PRKG1: variants seen among roughly 807,000 people sequenced by gnomAD.
PRKG1 encodes the protein protein kinase cGMP-dependent 1, also known as cGMP-dependent protein kinase 1.
PRKG1 carries 35 observed loss-of-function variants against 88.1 expected under a neutral mutation model. That is an observed-to-expected ratio of 0.40 (90% CI 0.30 to 0.53). The LOEUF is 0.53. Among genes scored for constraint, PRKG1 ranks in the 20% least tolerant of loss-of-function variants. The pLI, the probability that PRKG1 is intolerant of heterozygous loss-of-function variation, is 0.59. For synonymous variants in PRKG1, 303 were observed against 292.5 expected (o/e 1.04, Z -0.37); for missense variants, 540 against 839.8 (o/e 0.64, Z 4.41).
At chr10:51,581,437 A>G (rs904688908) in intron 3 of PRKG1, among the ~76,000 whole-genome samples, 2 of 152,132 alleles carry the variant, frequency 1.3e-5, no homozygotes, top group African/African-American at 4.8e-5. Context: ...CCATGGCAAG[A>G]TGAGGGCATT....
Position 52,006,375 on chromosome 10 carries a change from T to A in PRKG1, c.763-48109T>A, listed in dbSNP as rs79836945. ...GAATGTAGAAACTCAATCCACAGAA[T>A]CTAAGAATCATAATAAAATGATACA... is the stretch of plus-strand genomic sequence containing the variant. On this transcript the variant is annotated intron_variant, in intron 5 of 17. Coordinates refer to ENST00000373980, the MANE Select transcript of PRKG1 (RefSeq NM_006258.4). Among the ~76,000 whole-genome samples, 762 of 152,174 alleles carry A rather than the reference T, an allele frequency of 5.0e-3. 4 individuals carry two copies. The highest frequency in any genetic ancestry group is 0.017 in the African/African-American group (703 of 41,506).
chr10:51,321,389 C>T (rs543853212), intron 2 of PRKG1, among the ~76,000 whole-genome samples: 2 of 152,280 alleles, frequency 1.3e-5, no homozygotes, highest in South Asian at 2.1e-4. Context: ...ATTAACCATA[C>T]TTATTCTCAT....
At chr10:51,491,012 A>T (rs1840695567) in intron 3 of PRKG1, among the ~76,000 whole-genome samples, 1 of 152,084 alleles carries the variant, frequency 6.6e-6, no homozygotes, top group African/African-American at 2.4e-5. Context: ...CATCAGTGGC[A>T]TCATGGGACT....
At chr10:51,497,576 G>T (rs1840895514) in intron 3 of PRKG1, among the ~76,000 whole-genome samples, 1 of 152,190 alleles carries the variant, frequency 6.6e-6, no homozygotes, top group African/African-American at 2.4e-5. Flanking sequence ...AAAGGTAATT[G>T]CTAAGGCAAG....
chr10:51,549,018 C>T (rs1354920263), intron 3 of PRKG1, among the ~76,000 whole-genome samples: 1 of 151,488 alleles, frequency 6.6e-6, no homozygotes, highest in Admixed American at 6.6e-5. Flanking sequence ...ATTTGATTGG[C>T]TTCAGTCAAG....
intron 2 of PRKG1, among the ~76,000 whole-genome samples, chr10:51,233,860 G>A (rs1838911686): frequency 6.6e-6 from 1 of 152,034 alleles, no homozygotes; most frequent in African/African-American, 2.4e-5. Context: ...GTTCTCTGTG[G>A]GTAGTAGGTA....
At chr10:51,200,130 A>G (rs1191078547) in intron 2 of PRKG1, among the ~76,000 whole-genome samples, 1 of 152,212 alleles carries the variant, frequency 6.6e-6, no homozygotes, top group Non-Finnish European at 1.5e-5. Flanking sequence ...TATGAGGTGA[A>G]AAATACGGGA....
chr10:52,008,927 C>A (rs1376282879), intron 5 of PRKG1, among the ~76,000 whole-genome samples: 1 of 151,962 alleles, frequency 6.6e-6, no homozygotes, highest in East Asian at 1.9e-4. Context: ...ACTAAAAAAA[C>A]ACATATTTAT....
chr10:51,713,561 C>T (rs1173735427), intron 3 of PRKG1, among the ~76,000 whole-genome samples: 2 of 152,142 alleles, frequency 1.3e-5, no homozygotes, highest in African/African-American at 2.4e-5. Context: ...TTTACATTTA[C>T]ACTGTCATTC....
chr10:52,131,816 CAAAAAAAAAAAAAAA>C (rs71459439), intron 7 of PRKG1, among the ~76,000 whole-genome samples: 9 of 44,084 alleles, frequency 2.0e-4, no homozygotes, highest in African/African-American at 5.9e-4. Flanking sequence ...GAAACTCCAT[CAAAAAAAAAAAAAAA>C]AAAAAAAAAA....
Position 51,074,581 on chromosome 10 carries a change from C to A in PRKG1, c.-10C>A. The A allele has an allele frequency of 6.2e-7, 1 of 1,603,524 alleles. No homozygotes were observed. The highest frequency in any genetic ancestry group is 8.5e-7 in the Non-Finnish European group (1 of 1,172,352). On this transcript the variant is annotated 5_prime_UTR_variant, in exon 1 of 18. Transcript: ENST00000373980. Reference sequence around the variant, plus strand: ...GCGGCAGGAAGGAGCCCCCGGCAGCCCGGAGGAGCATGGGCACCTTGCGGG... The same window carrying A: ...GCGGCAGGAAGGAGCCCCCGGCAGCACGGAGGAGCATGGGCACCTTGCGGG...
At position 51,330,130 on chromosome 10, in the gene PRKG1, TTTATTTATTTATTTA is replaced by T. The variant is rs1841697660; in HGVS notation, c.479-137590_479-137576del. Among the ~76,000 whole-genome samples, 5 of 143,958 alleles carry T rather than the reference TTTATTTATTTATTTA, an allele frequency of 3.5e-5. No individual in the cohort carries two copies. In the South Asian group the frequency reaches 1.1e-3, roughly 32 times the overall value. The allele number at this position is 143,958 out of a possible 152,430, so 94.4% of individuals were successfully genotyped here. On this transcript the variant is annotated intron_variant, in intron 2 of 17. Transcript: ENST00000373980. ...TTTTATTTATTTATTTATTTATTTATTTATTTATTTATTTATTTTTTATTTATTTTTTTTTTTTGA... is the reference window on the plus strand; with the variant it reads ...TTTTATTTATTTATTTATTTATTTATTTTTTTATTTATTTTTTTTTTTTGA...
chr10:51,588,894 A>G lies in PRKG1; in HGVS notation c.592+121058A>G, dbSNP rs548276497. Among the ~76,000 whole-genome samples, 302 of 149,764 alleles carry G rather than the reference A, an allele frequency of 2.0e-3. 2 individuals are homozygous for G. Among genetic ancestry groups the G allele is most frequent in the African/African-American group, 7.4e-3 (289 of 39,070 alleles). ...TTGATAGTAGTCCAAGAATACAGTTACTTCCCTTTTTTTTCAATGATTCTA... is the reference window on the plus strand; with the variant it reads ...TTGATAGTAGTCCAAGAATACAGTTGCTTCCCTTTTTTTTCAATGATTCTA... On this transcript the variant is annotated intron_variant, in intron 3 of 17. Coordinates refer to ENST00000373980, the MANE Select transcript of PRKG1 (RefSeq NM_006258.4).
At chr10:50,996,842 G>A (rs1188354490) in intron 1 of PRKG1, among the ~76,000 whole-genome samples, 7 of 152,122 alleles carry the variant, frequency 4.6e-5, no homozygotes, top group Admixed American at 1.3e-4. Flanking sequence ...TCTGATGAAC[G>A]TGGTGATGTG....
At chr10:52,251,439 A>G in intron 9 of PRKG1, 131 bp from the exon 10 acceptor site, 1 of 689,604 alleles carries the variant, frequency 1.5e-6, no homozygotes, top group Admixed American at 2.8e-5. Context: ...AGAAAACACA[A>G]ACTCTAAAAG....
At chr10:52,067,802 C>T (rs561578233) in intron 7 of PRKG1, among the ~76,000 whole-genome samples, 1 of 151,990 alleles carries the variant, frequency 6.6e-6, no homozygotes, top group South Asian at 2.1e-4. Flanking sequence ...AGAAGTACTC[C>T]CTTATATATA....
chr10:52,070,375 T>A (rs567288897), intron 7 of PRKG1, among the ~76,000 whole-genome samples: 86 of 152,366 alleles, frequency 5.6e-4, no homozygotes, highest in African/African-American at 1.8e-3. Flanking sequence ...GCCAGTCAAA[T>A]CACCATTCCT....
intron 6 of PRKG1, among the ~76,000 whole-genome samples, 168 bp downstream of exon 6, chr10:52,054,729 A>G (rs1846070214): frequency 6.6e-6 from 1 of 152,186 alleles, no homozygotes; most frequent in South Asian, 2.1e-4. Flanking sequence ...GGAGGGAAAA[A>G]AAGATGTAAC....
chr10:51,718,374 A>C (rs1841934942), intron 3 of PRKG1, among the ~76,000 whole-genome samples: 1 of 152,174 alleles, frequency 6.6e-6, no homozygotes, highest in South Asian at 2.1e-4. Flanking sequence ...CAGTGTGGCT[A>C]TGCTACTGTG....
Sources: allele counts gnomAD v4.1 joint callset (sites outside exome capture counted in the v4.1 genomes callset), GRCh38; gene constraint gnomAD v4.1.1; transcripts MANE v1.5; gene names NCBI Gene and HGNC (gene_info 2026-07-23, HGNC 2026-07-21).